DIP2C: variants seen among roughly 807,000 people sequenced by gnomAD.
The protein encoded by DIP2C is DIP2 acetate--CoA ligase C (putative).
In DIP2C, 33 loss-of-function variants were observed where a neutral mutation model predicts 192.4. The ratio of observed to expected loss-of-function variants is 0.17; its 90% confidence interval spans 0.13 to 0.23. The LOEUF is 0.23. Among genes scored for constraint, DIP2C ranks in the 10% least tolerant of loss-of-function variants. DIP2C has a pLI of 1.00. For missense variants in DIP2C, 1,537 were observed against 2,110.1 expected, an observed-to-expected ratio of 0.73 and a Z score of 5.32; for synonymous variants, 979 against 864.1, an observed-to-expected ratio of 1.13 and a Z score of -2.33.
chr10:640,567 G>C (rs1316750955), intron 1 of DIP2C, among the ~76,000 whole-genome samples: 1 of 152,174 alleles, frequency 6.6e-6, no homozygotes, highest in Non-Finnish European at 1.5e-5. Flanking sequence ...CAGACCCCGG[G>C]TAGACGCGAC....
chr10:440,867 T>C lies in DIP2C; in HGVS notation c.394+4A>G. 1 of 1,611,500 alleles carries C rather than the reference T, an allele frequency of 6.2e-7. No individual in the cohort carries two copies. Among genetic ancestry groups the C allele is most frequent in the Non-Finnish European group, 8.5e-7 (1 of 1,179,454 alleles). On this transcript the variant is annotated splice_donor_region_variant and intron_variant, in intron 4 of 36. Coordinates refer to ENST00000280886, the MANE Select transcript of DIP2C (RefSeq NM_014974.3). ...GAGGCCGTGTCGGGGAGCGTGTCCCTTACCTGGAGGGGTGTAGGCGTCCAT... is the reference window on the plus strand; with the variant it reads ...GAGGCCGTGTCGGGGAGCGTGTCCCCTACCTGGAGGGGTGTAGGCGTCCAT...
At position 598,953 on chromosome 10, in the gene DIP2C, C is replaced by T. The variant is rs552141539; in HGVS notation, c.85+90541G>A. ...GCCTCAAGGAACATCCTTCCAACAA[C>T]GACTTTCTGCATCGAGCCTTTGAGG... On this transcript the variant is annotated intron_variant, in intron 1 of 36. Coordinates refer to ENST00000280886, the MANE Select transcript of DIP2C (RefSeq NM_014974.3). 1.8e-4 allele frequency among the ~76,000 whole-genome samples: 27 copies of T among 152,376 alleles called. No homozygotes were observed. The South Asian group carries it at 4.8e-3, about 27-fold the overall frequency.
At chr10:607,504 C>T (rs1852580344) in intron 1 of DIP2C, among the ~76,000 whole-genome samples, 1 of 152,216 alleles carries the variant, frequency 6.6e-6, no homozygotes, top group Non-Finnish European at 1.5e-5. Context: ...GAGATCGTCT[C>T]TACCTTTATG....
At chr10:315,102 TCA>T (rs751098797) in intron 31 of DIP2C, among the ~76,000 whole-genome samples, 1 of 152,230 alleles carries the variant, frequency 6.6e-6, no homozygotes. Flanking sequence ...CATTCTATCT[TCA>T]CACAGTGTTA....
At chr10:385,494 G>C (rs1476414075) in intron 14 of DIP2C, among the ~76,000 whole-genome samples, 1 of 152,208 alleles carries the variant, frequency 6.6e-6, no homozygotes, top group African/African-American at 2.4e-5. Context: ...TTCCCGGTGT[G>C]TTATGCTAAC....
At chr10:498,474 G>A (rs1028433958) in intron 1 of DIP2C, among the ~76,000 whole-genome samples, 2 of 152,162 alleles carry the variant, frequency 1.3e-5, no homozygotes, top group African/African-American at 2.4e-5. Context: ...CCCCTCAGGG[G>A]TCCTGCTGAC....
At chr10:638,056 C>T (rs1490897706) in intron 1 of DIP2C, among the ~76,000 whole-genome samples, 3 of 152,192 alleles carry the variant, frequency 2.0e-5, no homozygotes, top group African/African-American at 4.8e-5. Flanking sequence ...TCTGAAGCCC[C>T]CGAGACACAG....
At chr10:344,477 G>C (rs1406431247) in intron 28 of DIP2C, among the ~76,000 whole-genome samples, 3 of 152,284 alleles carry the variant, frequency 2.0e-5, no homozygotes, top group Admixed American at 1.3e-4. Context: ...ATAGAGCCCA[G>C]GTTAAAACGC....
At chr10:478,012 G>GGAGA (rs1843234759) in intron 2 of DIP2C, among the ~76,000 whole-genome samples, 1 of 1,292 alleles carries the variant, frequency 7.7e-4, no homozygotes, top group Non-Finnish European at 1.4e-3. Context: ...GAAAAAAGAG[G>GGAGA]GGAGGGGAGG....
Position 580,383 on chromosome 10 carries a change from A to G in DIP2C, c.86-93853T>C, listed in dbSNP as rs58972064. On this transcript the variant is annotated intron_variant, in intron 1 of 36. Coordinates refer to ENST00000280886, the MANE Select transcript of DIP2C (RefSeq NM_014974.3). ...CAGTGTGCACACATGTATATATATA[A>G]GTACACAAATGTGCAAATACCCATA... 6.0e-3 allele frequency among the ~76,000 whole-genome samples: 917 copies of G among 152,314 alleles called. 25 individuals are homozygous for G. The East Asian group carries it at 0.067, about 11-fold the overall frequency.
chr10:641,086 C>A (rs965487895), intron 1 of DIP2C, among the ~76,000 whole-genome samples: 2 of 150,714 alleles, frequency 1.3e-5, no homozygotes, highest in South Asian at 4.2e-4. Context: ...TCTTCCTATA[C>A]AAAGAAGTGG....
At chr10:573,821 C>T (rs11253252) in intron 1 of DIP2C, among the ~76,000 whole-genome samples, 5,160 of 152,094 alleles carry the variant, frequency 0.034, 170 homozygotes, top group African/African-American at 0.084. Context: ...ACGTTTTACA[C>T]ATCTCAAAAC....
At chr10:662,889 G>C in intron 1 of DIP2C, 1 of 717,572 alleles carries the variant, frequency 1.4e-6, no homozygotes, top group Non-Finnish European at 2.6e-6. Flanking sequence ...CTAGCCCCAC[G>C]TGGAAGAGGC....
intron 1 of DIP2C, among the ~76,000 whole-genome samples, chr10:497,504 G>A (rs150069095): frequency 1.3e-4 from 20 of 152,334 alleles, no homozygotes; most frequent in African/African-American, 4.8e-4. Flanking sequence ...TGGACAGGGA[G>A]AAGCAGGCGT....
chr10:519,377 C>G (rs1163531975), intron 1 of DIP2C, among the ~76,000 whole-genome samples: 1 of 152,252 alleles, frequency 6.6e-6, no homozygotes, highest in East Asian at 1.9e-4. Context: ...AAAGCCTGCA[C>G]TGCTGAGTTT....
chr10:486,049 A>C (rs1843990934), intron 2 of DIP2C, among the ~76,000 whole-genome samples: 1 of 152,250 alleles, frequency 6.6e-6, no homozygotes, highest in Non-Finnish European at 1.5e-5. Context: ...ACGATTGCCA[A>C]GTCCTGGGCG....
chr10:665,052 G>C (rs1588720131), intron 1 of DIP2C: 1 of 152,184 alleles, frequency 6.6e-6, no homozygotes, highest in Non-Finnish European at 1.5e-5. Context: ...CTGAGGAACA[G>C]ATCAATTCTG....
At chr10:566,431 G>A (rs1339800896) in intron 1 of DIP2C, among the ~76,000 whole-genome samples, 1 of 152,204 alleles carries the variant, frequency 6.6e-6, no homozygotes, top group South Asian at 2.1e-4. Flanking sequence ...ACCCTGGAGT[G>A]TTACAGTTGC....
At chr10:687,233 G>C (rs889039408) in intron 1 of DIP2C, among the ~76,000 whole-genome samples, 2 of 152,144 alleles carry the variant, frequency 1.3e-5, no homozygotes, top group Non-Finnish European at 2.9e-5. Flanking sequence ...TTTCTATTAA[G>C]CAATACTGGA....
Sources: gnomAD v4.1 joint callset for allele counts (sites outside exome capture counted in the v4.1 genomes callset) on GRCh38, gnomAD v4.1.1 for gene constraint, MANE v1.5 for transcripts, NCBI Gene and HGNC (gene_info 2026-07-23, HGNC 2026-07-21) for gene names.